MDN1: variants seen among roughly 807,000 people sequenced by gnomAD.
MDN1 encodes the protein midasin.
MDN1 carries 266 observed loss-of-function variants against 669.2 expected under a neutral mutation model. The ratio of observed to expected loss-of-function variants is 0.40; its 90% CI spans 0.36 to 0.44. The LOEUF (loss-of-function observed/expected upper bound fraction) is 0.44. Ranked by LOEUF, MDN1 falls within the 20% of genes least tolerant of loss-of-function variation. MDN1 has a pLI of 1.00. For missense variants in MDN1, 5,940 were observed against 6,754.0 expected, an observed-to-expected ratio of 0.88 and a Z score of 4.22; for synonymous variants, 2,385 against 2,457.1, an observed-to-expected ratio of 0.97 and a Z score of 0.87.
At chr6:89,809,472 A>G (rs1768236559) in intron 1 of MDN1, among the ~76,000 whole-genome samples, 1 of 151,972 alleles carries the variant, frequency 6.6e-6, no homozygotes, top group Non-Finnish European at 1.5e-5. Flanking sequence ...CTCTACAAAT[A>G]ATACAAAAGT....
intron 64 of MDN1, 97 bp from the exon 65 acceptor site, chr6:89,690,240 A>T: frequency 7.7e-7 from 1 of 1,290,384 alleles, no homozygotes; most frequent in South Asian, 1.4e-5. Flanking sequence ...AATGACTGAA[A>T]AAATGAAATA....
chr6:89,741,154 C>T (rs1816276852), intron 31 of MDN1, among the ~76,000 whole-genome samples: 1 of 152,154 alleles, frequency 6.6e-6, no homozygotes, highest in Admixed American at 6.5e-5. Flanking sequence ...ATCACTTGAA[C>T]CCGAGAGGCA....
chr6:89,792,947 A>AG (rs1055803038), intron 5 of MDN1, among the ~76,000 whole-genome samples: 4 of 152,200 alleles, frequency 2.6e-5, no homozygotes, highest in Non-Finnish European at 5.9e-5. Context: ...TGAACCTGGG[A>AG]GGGGGGAGGT....
intron 34 of MDN1, among the ~76,000 whole-genome samples, chr6:89,731,891 ATTCCT>A (rs1210264177): frequency 1.4e-5 from 2 of 142,496 alleles, no homozygotes; most frequent in Non-Finnish European, 3.0e-5. Context: ...ACCAGCTCAC[ATTCCT>A]TTCCTTATTT....
chr6:89,688,091 A>T lies in MDN1; in HGVS notation c.11342T>A (p.Leu3781Gln). 6.2e-7 allele frequency: 1 copy of T among 1,613,922 alleles called. No homozygotes were observed. The highest frequency in any genetic ancestry group is 8.5e-7 in the Non-Finnish European group (1 of 1,179,766). ...GTATTAGCTCACCTGTGCCTTTGCC[A>T]GAAGGATCTCTAAGCCATTCAGGAA... ...SKFLNGLEIL[L>Q]AKAQDWEENA... Residue 3781 changes from leucine (L) to glutamine (Q), a missense_variant, in exon 67 of 102, where the codon CTG becomes CAG. Physicochemically the swap from Leu to Gln is moderately radical, Grantham distance 113 (BLOSUM62 -2). This residue lies in a region of MDN1 where 2,280 missense variants were observed against 2,576.3 expected (regional missense o/e 0.88). Coordinates refer to ENST00000369393, the MANE Select transcript of MDN1 (RefSeq NM_014611.3).
intron 69 of MDN1, among the ~76,000 whole-genome samples, chr6:89,686,683 T>C (rs146187889): frequency 2.9e-3 from 444 of 152,302 alleles, no homozygotes; most frequent in Middle Eastern, 6.8e-3. Context: ...GGAGAAGACA[T>C]TTAAACCTCT....
rs36040566 is a variant in MDN1 at position 89,662,855 on chromosome 6, A to T, written c.14349T>A (p.Asp4783Glu). 4.3e-6 allele frequency: 7 copies of T among 1,613,270 alleles called. No individual in the cohort carries two copies. Among genetic ancestry groups the T allele is most frequent in the Non-Finnish European group, 4.2e-6 (5 of 1,179,578 alleles). Residue 4783 changes from aspartate (D) to glutamate (E), a missense_variant, in exon 86 of 102, where the codon GAT (aspartate) becomes GAA (glutamate). By Grantham distance (45) the Asp-to-Glu change is conservative (BLOSUM62 2). Coordinates refer to ENST00000369393, the MANE Select transcript of MDN1 (RefSeq NM_014611.3). ...KLDERLWGDD[D>E]EEEDEEEEDN... The stretch of plus-strand genomic sequence containing the variant: ...CTTCTTCCTCCTCATCTTCCTCCTC[A>T]TCATCATCACCCCAAAGCCTCTCAT...
Position 89,706,112 on chromosome 6 carries a change from G to C in MDN1, c.8095C>G (p.Leu2699Val). The C allele has an allele frequency of 6.2e-7, 1 of 1,613,266 alleles. No individual in the cohort carries two copies. The highest frequency in any genetic ancestry group is 8.5e-7 in the Non-Finnish European group (1 of 1,179,444). The change falls in exon 53 of 102, where the codon CTG (leucine) becomes GTG (valine). Residue 2699 changes from leucine to valine, a missense_variant. Physicochemically the swap from Leu to Val is conservative, Grantham distance 32 (BLOSUM62 1). Around this residue, in one of 5 missense-constraint regions of MDN1, gnomAD observed 2,292 missense variants for 2,638.3 expected, o/e 0.87. Coordinates refer to ENST00000369393, the MANE Select transcript of MDN1 (RefSeq NM_014611.3). ...AFFELCDALVLLWVQSSQGMV... is the reference protein window; with the variant it reads ...AFFELCDALVVLWVQSSQGMV... ...CCCTGGGAGGACTGTACCCAGAGCA[G>C]GACTAGTGCATCACAAAGTTCAAAA...
At chr6:89,725,147 T>C in intron 38 of MDN1, 52 bp downstream of exon 38, 3 of 1,522,924 alleles carry the variant, frequency 2.0e-6, no homozygotes, top group Non-Finnish European at 2.7e-6. Flanking sequence ...ATAATAGTAG[T>C]CTTATCCCCT....
At position 89,781,508 on chromosome 6, in the gene MDN1, G is replaced by C. The variant is rs762026489; in HGVS notation, c.1534C>G (p.His512Asp). ...IYIQLTGEKH[H>D]SWSDSSVGCE... ...CCAACAGAACTATCACTCCAAGAGTGATGTTTCTCTCCAGTAAGTTGGATA... is the reference window on the plus strand; with the variant it reads ...CCAACAGAACTATCACTCCAAGAGTCATGTTTCTCTCCAGTAAGTTGGATA... The change falls in exon 10 of 102, where the codon CAC (histidine) becomes GAC (aspartate). Residue 512 changes from histidine to aspartate, a missense_variant. By Grantham distance (81) the His-to-Asp change is moderately conservative. Coordinates refer to ENST00000369393, the MANE Select transcript of MDN1 (RefSeq NM_014611.3). 69 of 1,613,650 alleles carry C rather than the reference G, an allele frequency of 4.3e-5. No individual in the cohort carries two copies. The highest frequency in any genetic ancestry group is 5.5e-5 in the Non-Finnish European group (65 of 1,179,756).
intron 5 of MDN1, among the ~76,000 whole-genome samples, chr6:89,792,957 T>G (rs950636341): frequency 4.7e-4 from 71 of 151,798 alleles, no homozygotes; most frequent in African/African-American, 1.6e-3. Context: ...AGGGGGGAGG[T>G]TGCAGTGAGC....
intron 11 of MDN1, among the ~76,000 whole-genome samples, 177 bp downstream of exon 11, chr6:89,780,035 C>T (rs1309123813): frequency 6.6e-6 from 1 of 150,480 alleles, no homozygotes; most frequent in Non-Finnish European, 1.5e-5. Flanking sequence ...CACTGCACTC[C>T]AGCCTTGGGG....
intron 13 of MDN1, 70 bp downstream of exon 13, chr6:89,774,551 G>T: frequency 9.0e-7 from 1 of 1,116,764 alleles, no homozygotes; most frequent in African/African-American, 1.5e-5. Context: ...AAGACAAGAG[G>T]CTGAGCTAGA....
At position 89,699,732 on chromosome 6, in the gene MDN1, T is replaced by C. The variant is rs963724784; in HGVS notation, c.8871-5A>G. 6.2e-6 allele frequency: 10 copies of C among 1,613,552 alleles called. No individual in the cohort carries two copies. The highest frequency in any genetic ancestry group is 8.5e-6 in the Non-Finnish European group (10 of 1,179,774). On this transcript the variant is annotated splice_region_variant and splice_polypyrimidine_tract_variant and intron_variant, in intron 57 of 101. Transcript: ENST00000369393. Reference sequence around the variant, plus strand: ...GGTTGTTGATTTTTGCTGCATCTGTTCCAAAAATAAAGAGGGAGAGGGTGG... The same window carrying C: ...GGTTGTTGATTTTTGCTGCATCTGTCCCAAAAATAAAGAGGGAGAGGGTGG...
At chr6:89,805,207 C>CA (rs1430890037) in intron 1 of MDN1, among the ~76,000 whole-genome samples, 1 of 152,066 alleles carries the variant, frequency 6.6e-6, no homozygotes, top group African/African-American at 2.4e-5. Flanking sequence ...GGGACATGCC[C>CA]TTTGACCTTG....
At chr6:89,683,802 G>A (rs1228267572) in intron 72 of MDN1, 29 bp downstream of exon 72, 2 of 1,569,358 alleles carry the variant, frequency 1.3e-6, no homozygotes, top group South Asian at 1.1e-5. Flanking sequence ...TTCTATTTTG[G>A]TTGTCTCCAG....
rs148704029 is a variant in MDN1, at chr6:89,748,857, C to T, written c.3762+366G>A. On this transcript the variant is annotated intron_variant, in intron 26 of 101. Coordinates refer to ENST00000369393, the MANE Select transcript of MDN1 (RefSeq NM_014611.3). ...GGTGGATCCCTTGAGCCCAGGAGTT[C>T]GAGACCAGCCGGGGCAACATGGCGA... Among the ~76,000 whole-genome samples the T allele has an allele frequency of 1.1e-3, 165 of 151,402 alleles. No homozygotes were observed. In the East Asian group the frequency reaches 0.017, roughly 16 times the overall value.
chr6:89,743,773 AC>A (rs11358713), intron 29 of MDN1, 59 bp from the exon 30 acceptor site: 1,285,910 of 1,529,254 alleles, frequency 0.84, 542,767 homozygotes, highest in East Asian at 1. Flanking sequence ...ATCCATAAAC[AC>A]CCCCCCTCAG....
chr6:89,687,622 C>A (rs1812105517), intron 67 of MDN1, among the ~76,000 whole-genome samples, 184 bp from the exon 68 acceptor site: 1 of 152,170 alleles, frequency 6.6e-6, no homozygotes, highest in South Asian at 2.1e-4. Context: ...TGACAGAACT[C>A]CACCAGAGCC....
Sources: gnomAD v4.1 joint callset for allele counts (sites outside exome capture counted in the v4.1 genomes callset) on GRCh38, gnomAD v4.1.1 for gene constraint, gnomAD v4.1.1 regional missense constraint, MANE v1.5 for transcripts, NCBI Gene and HGNC (gene_info 2026-07-23, HGNC 2026-07-21) for gene names.